The following NTF3 variants were observed in gnomAD, a reference collection of about 807,000 sequenced individuals.
NTF3 encodes neurotrophin 3.
A neutral mutation model predicts 26.3 loss-of-function variants in NTF3; 8 were observed. The ratio of observed to expected loss-of-function variants is 0.30; its 90% CI spans 0.18 to 0.55. NTF3 has a LOEUF of 0.55. NTF3 is among the 20% of genes least tolerant of loss of function. The pLI, the probability that NTF3 is intolerant of heterozygous loss-of-function variation, is 0.93. For synonymous variants in NTF3, 154 were observed against 145.5 expected (o/e 1.06, Z -0.42); for missense variants, 276 against 352.9 (o/e 0.78, Z 1.75).
intron 1 of NTF3, among the ~76,000 whole-genome samples, chr12:5,440,499 T>C (rs554326360): frequency 6.6e-5 from 10 of 152,312 alleles, no homozygotes; most frequent in Non-Finnish European, 1.5e-4. Context: ...ATCCCACATC[T>C]AGAGGACCTG....
intron 1 of NTF3, among the ~76,000 whole-genome samples, chr12:5,436,004 G>A: frequency 6.6e-6 from 1 of 152,164 alleles, no homozygotes. Flanking sequence ...ATACTCAGAT[G>A]TGCATCTTTA....
At chr12:5,478,797 G>A (rs1940754458) in intron 1 of NTF3, among the ~76,000 whole-genome samples, 1 of 152,232 alleles carries the variant, frequency 6.6e-6, no homozygotes, top group Non-Finnish European at 1.5e-5. Flanking sequence ...TTGCCTTTTA[G>A]GAGGGCTCTA....
chr12:5,445,847 T>G (rs747615811), intron 1 of NTF3, among the ~76,000 whole-genome samples: 1 of 152,202 alleles, frequency 6.6e-6, no homozygotes, highest in Non-Finnish European at 1.5e-5. Context: ...GTTAAGGAAG[T>G]TCTTCTAAGG....
At chr12:5,440,473 A>G (rs1407809479) in intron 1 of NTF3, among the ~76,000 whole-genome samples, 2 of 152,276 alleles carry the variant, frequency 1.3e-5, no homozygotes, top group South Asian at 2.1e-4. Context: ...CAAGTTCTCA[A>G]TCTGAGATTA....
intron 1 of NTF3, among the ~76,000 whole-genome samples, chr12:5,461,653 C>T (rs1940528024): frequency 6.6e-6 from 1 of 152,078 alleles, no homozygotes; most frequent in African/African-American, 2.4e-5. Context: ...CTTCATGCTC[C>T]ATCAGCAACA....
intron 1 of NTF3, among the ~76,000 whole-genome samples, chr12:5,472,476 G>T (rs756561853): frequency 7.9e-5 from 12 of 152,198 alleles, no homozygotes; most frequent in Non-Finnish European, 1.5e-4. Flanking sequence ...ACAACGAACA[G>T]TATAAATGTC....
Position 5,495,155 on chromosome 12 carries a change from C to A in NTF3, c.*167C>A, listed in dbSNP as rs969994447. 1.3e-6 allele frequency: 1 copy of A among 751,670 alleles called. No individual in the cohort carries two copies. The highest frequency in any genetic ancestry group is 2.1e-5 in the South Asian group (1 of 48,020). 46.6% of individuals were successfully genotyped at this position (751,670 alleles called of 1,614,324 possible). A position where few individuals can be genotyped will look rare whatever the true frequency, so the allele number is the denominator to read the frequency against. On this transcript the variant is annotated 3_prime_UTR_variant, in exon 2 of 2. Transcript: ENST00000423158. ...TTTCTCAATAAAATCAGTGTGCTTG[C>A]CTTCCCTCAGGCCTCTCCCATCTGT...
rs913103308 is a variant in NTF3 at position 5,433,971 on chromosome 12, T to C, written c.18+1629T>C. Among the ~76,000 whole-genome samples, 3 of 152,132 alleles carry C rather than the reference T, an allele frequency of 2.0e-5. No homozygotes were observed. The highest frequency in any genetic ancestry group is 4.4e-5 in the Non-Finnish European group (3 of 68,024). ...GCTTTTTAAATAAAGAGGTGCCCGC[T>C]CCTACCCCGCAAAACAGCGAACGAG... On this transcript the variant is annotated intron_variant, in intron 1 of 1. Transcript: ENST00000423158. The surrounding 1 kb of genome is among the most constrained non-coding windows in gnomAD (Gnocchi z 4.6).
chr12:5,449,520 A>G (rs1018567940), intron 1 of NTF3, among the ~76,000 whole-genome samples: 3 of 152,162 alleles, frequency 2.0e-5, no homozygotes, highest in African/African-American at 7.2e-5. Flanking sequence ...AGTATTTGGT[A>G]TGGGTTTTGC....
chr12:5,437,157 C>T (rs572390567), intron 1 of NTF3, among the ~76,000 whole-genome samples: 9 of 152,280 alleles, frequency 5.9e-5, no homozygotes, highest in African/African-American at 2.2e-4. Context: ...CACACTGAAA[C>T]CTCCGATTCC....
chr12:5,458,883 G>A (rs571320586), intron 1 of NTF3, among the ~76,000 whole-genome samples: 15 of 151,974 alleles, frequency 9.9e-5, no homozygotes, highest in East Asian at 3.9e-4. Context: ...ACACACACAC[G>A]TGCACACGCA....
At chr12:5,473,255 T>C (rs1453222806) in intron 1 of NTF3, among the ~76,000 whole-genome samples, 2 of 152,150 alleles carry the variant, frequency 1.3e-5, no homozygotes, top group Non-Finnish European at 2.9e-5. Flanking sequence ...ACACACATAA[T>C]TGTGCAACTT....
At chr12:5,447,078 ATC>A (rs1940315690) in intron 1 of NTF3, among the ~76,000 whole-genome samples, 1 of 152,152 alleles carries the variant, frequency 6.6e-6, no homozygotes, top group African/African-American at 2.4e-5. Flanking sequence ...ACACAGGCCT[ATC>A]TCTGTGTCTG....
At chr12:5,463,044 C>T (rs16933489) in intron 1 of NTF3, among the ~76,000 whole-genome samples, 5,039 of 152,192 alleles carry the variant, frequency 0.033, 115 homozygotes, top group South Asian at 0.059. Context: ...CCATAGATTA[C>T]CTCAATCCAG....
At chr12:5,492,235 C>T (rs1465936524) in intron 1 of NTF3, among the ~76,000 whole-genome samples, 2 of 152,182 alleles carry the variant, frequency 1.3e-5, no homozygotes, top group Admixed American at 6.5e-5. Flanking sequence ...TAATCTGTAC[C>T]TTGACTCTTA....
intron 1 of NTF3, among the ~76,000 whole-genome samples, chr12:5,451,063 A>C (rs1199403049): frequency 6.6e-6 from 1 of 152,088 alleles, no homozygotes; most frequent in Non-Finnish European, 1.5e-5. Context: ...TTTATTTTTA[A>C]ATCATTTTCC....
chr12:5,491,723 T>C (rs1212637152), intron 1 of NTF3, among the ~76,000 whole-genome samples: 1 of 142,716 alleles, frequency 7.0e-6, no homozygotes, highest in Non-Finnish European at 1.5e-5. Flanking sequence ...CTTCTTTTTT[T>C]TTTTTTTTTT....
intron 1 of NTF3, among the ~76,000 whole-genome samples, chr12:5,458,057 G>A (rs1197043169): frequency 6.6e-6 from 1 of 152,118 alleles, no homozygotes; most frequent in African/African-American, 2.4e-5. Context: ...GCTCTCCAGT[G>A]CCTCTGAGTC....
chr12:5,451,222 A>T (rs1280859530), intron 1 of NTF3, among the ~76,000 whole-genome samples: 1 of 152,250 alleles, frequency 6.6e-6, no homozygotes, highest in African/African-American at 2.4e-5. Context: ...TGGTAGCCTC[A>T]TCCTACTGTG....
Sources: allele counts gnomAD v4.1 joint callset (sites outside exome capture counted in the v4.1 genomes callset), GRCh38; gene constraint gnomAD v4.1.1; non-coding constraint Gnocchi (gnomAD v3.1); transcripts MANE v1.5; gene names NCBI Gene and HGNC (gene_info 2026-07-23, HGNC 2026-07-21).